GPX7: variants seen among roughly 807,000 people sequenced by gnomAD.
GPX7 encodes the protein protein peroxidase GPX7.
GPX7 carries 21 observed loss-of-function variants against 23.7 expected under a neutral mutation model. That is an observed-to-expected ratio of 0.89 (90% confidence interval 0.63 to 1.28). GPX7 has a LOEUF of 1.28. Ranked by LOEUF, GPX7 falls within the 50% of genes most tolerant of loss-of-function variation. The pLI is 0.00. For missense variants in GPX7, 238 were observed against 237.3 expected, an observed-to-expected ratio of 1.00 and a Z score of -0.02; for synonymous variants, 112 against 101.8, an observed-to-expected ratio of 1.10 and a Z score of -0.61.
chr1:52,607,245 G>A (rs1253039672), intron 2 of GPX7: 1 of 449,422 alleles, frequency 2.2e-6, no homozygotes, highest in Non-Finnish European at 4.0e-6. Flanking sequence ...GCTCCTAGAA[G>A]GAGACATTTA....
At position 52,602,620 on chromosome 1, in the gene GPX7, A is replaced by G. The variant is rs1690812122; in HGVS notation, c.138+73A>G. Reference sequence around the variant, plus strand: ...GCGGGGCCTGCTGGGGACGCCCCGCAGCCCGGTCCCCCGCGCGGTGTGGCT... The same window carrying G: ...GCGGGGCCTGCTGGGGACGCCCCGCGGCCCGGTCCCCCGCGCGGTGTGGCT... On this transcript the variant is annotated intron_variant, in intron 1 of 2. Transcript: ENST00000361314. 3.3e-5 allele frequency: 31 copies of G among 944,556 alleles called. No individual in the cohort carries two copies. In the South Asian group the frequency reaches 5.9e-4, roughly 18 times the overall value. The allele number at this position is 944,556 out of a possible 1,614,324, so 58.5% of individuals were successfully genotyped here. A position where few individuals can be genotyped will look rare whatever the true frequency, so the allele number is the denominator to read the frequency against.
rs35236738 is a variant in GPX7 at position 52,608,457 on chromosome 1, C to T, written c.*32C>T. On this transcript the variant is annotated 3_prime_UTR_variant, in exon 3 of 3. Coordinates refer to ENST00000361314, the MANE Select transcript of GPX7 (RefSeq NM_015696.5). ...CGTCTCCTCCTCCACCACCTCATCC[C>T]GCCCACCTGTGTGGGGCTGACCAAT... 3.0e-3 allele frequency: 4,697 copies of T among 1,570,892 alleles called. 15 individuals carry two copies. Among genetic ancestry groups the T allele is most frequent in the Non-Finnish European group, 3.5e-3 (4,022 of 1,158,966 alleles).
At chr1:52,603,445 G>A (rs1247059570) in intron 1 of GPX7, among the ~76,000 whole-genome samples, 1 of 152,128 alleles carries the variant, frequency 6.6e-6, no homozygotes, top group Non-Finnish European at 1.5e-5. Flanking sequence ...AGGCTGAAAC[G>A]ACTGGCAAGG....
rs1307747424 is a variant in GPX7 at position 52,608,934 on chromosome 1, G to A, written c.*509G>A. The A allele has an allele frequency of 6.6e-6, 1 of 152,668 alleles. No individual in the cohort carries two copies. The highest frequency in any genetic ancestry group is 1.5e-5 in the Non-Finnish European group (1 of 68,088). The allele number at this position is 152,668 out of a possible 1,614,324, so 9.5% of individuals were successfully genotyped here. ...CAGCCGATGATAATCCAGGCCAAAG[G>A]TTTAGTTGTTGTTATTTCCTCTGTA... On this transcript the variant is annotated 3_prime_UTR_variant, in exon 3 of 3. Coordinates refer to ENST00000361314, the MANE Select transcript of GPX7 (RefSeq NM_015696.5).
chr1:52,608,543 G>A lies in GPX7; in HGVS notation c.*118G>A, dbSNP rs1418269708. 1.3e-6 allele frequency: 1 copy of A among 796,656 alleles called. No homozygotes were observed. The highest frequency in any genetic ancestry group is 1.8e-5 in the African/African-American group (1 of 56,690). 49.3% of individuals were successfully genotyped at this position (796,656 alleles called of 1,614,324 possible). On this transcript the variant is annotated 3_prime_UTR_variant, in exon 3 of 3. Coordinates refer to ENST00000361314, the MANE Select transcript of GPX7 (RefSeq NM_015696.5). ...CTGACTCTCCTTCCTTTACTCTTATGCCATTGGTCCCATCATTCTTGTGGG... is the reference window on the plus strand; with the variant it reads ...CTGACTCTCCTTCCTTTACTCTTATACCATTGGTCCCATCATTCTTGTGGG...
Position 52,608,406 on chromosome 1 carries a change from T to C in GPX7, c.545T>C (p.Leu182Pro). 6.2e-7 allele frequency: 1 copy of C among 1,612,576 alleles called. No individual in the cohort carries two copies. ...ITALVRKLILLKREDL is the reference protein window; with the variant it reads ...ITALVRKLILPKREDL ...GCGCTCGTGAGGAAGCTCATCCTAC[T>C]GAAGCGAGAAGACTTATAACCACCG... is the stretch of plus-strand genomic sequence containing the variant. Residue 182 changes from leucine to proline, a missense_variant, in exon 3 of 3, where the codon CTG becomes CCG. Physicochemically the swap from Leu to Pro is moderately conservative, Grantham distance 98 (BLOSUM62 -3). Transcript: ENST00000361314.
At chr1:52,603,052 C>T (rs1412440438) in intron 1 of GPX7, among the ~76,000 whole-genome samples, 1 of 152,158 alleles carries the variant, frequency 6.6e-6, no homozygotes, top group Non-Finnish European at 1.5e-5. Flanking sequence ...GGAGACCTCA[C>T]ACGGATCATC....
At position 52,608,655 on chromosome 1, in the gene GPX7, C is replaced by T. The variant is rs930852261; in HGVS notation, c.*230C>T. Reference sequence around the variant, plus strand: ...ATGAGAGCTCTTGACCAGTGAATCACCAGCCGATACGAACGTCTTGCCAAC... The same window carrying T: ...ATGAGAGCTCTTGACCAGTGAATCATCAGCCGATACGAACGTCTTGCCAAC... On this transcript the variant is annotated 3_prime_UTR_variant, in exon 3 of 3. Coordinates refer to ENST00000361314, the MANE Select transcript of GPX7 (RefSeq NM_015696.5). 1 of 316,038 alleles carries T rather than the reference C, an allele frequency of 3.2e-6. No homozygotes were observed. The highest frequency in any genetic ancestry group is 2.1e-5 in the African/African-American group (1 of 46,898). 19.6% of individuals were successfully genotyped at this position (316,038 alleles called of 1,614,324 possible).
rs377150381 is a variant in GPX7, at chr1:52,608,283, C to T, written c.422C>T (p.Thr141Ile). ...YLAQTSGKEP[T>I]WNFWKYLVAP... ...CTAGAGACTTCTGGGAAGGAGCCCA[C>T]CTGGAACTTCTGGAAGTACCTAGTA... The change falls in exon 3 of 3, where the codon ACC becomes ATC. Residue 141 changes from threonine to isoleucine, a missense_variant. Physicochemically the swap from Thr to Ile is moderately conservative, Grantham distance 89. Transcript: ENST00000361314. 1.2e-6 allele frequency: 2 copies of T among 1,612,846 alleles called. No homozygotes were observed. The highest frequency in any genetic ancestry group is 1.7e-6 in the Non-Finnish European group (2 of 1,179,506).
chr1:52,606,688 C>G lies in GPX7; in HGVS notation c.143C>G (p.Ser48Cys), dbSNP rs1487078471. Residue 48 changes from serine to cysteine, a missense_variant, in exon 2 of 3, where the codon TCC (serine) becomes TGC (cysteine). Physicochemically the swap from Ser to Cys is moderately radical, Grantham distance 112 (BLOSUM62 -1). Transcript: ENST00000361314. ...VSLEKYRGSV[S>C]LVVNVASECG... is the part of the protein sequence containing the mutation. Reference sequence around the variant, plus strand: ...TGTTTTGTTTCTGTCATACAGGTGTCCCTGGTGGTGAATGTGGCCAGCGAG... The same window carrying G: ...TGTTTTGTTTCTGTCATACAGGTGTGCCTGGTGGTGAATGTGGCCAGCGAG... 6.2e-7 allele frequency: 1 copy of G among 1,613,206 alleles called. No individual in the cohort carries two copies. Among genetic ancestry groups the G allele is most frequent in the South Asian group, 1.1e-5 (1 of 91,062 alleles).
chr1:52,607,568 C>G (rs1690867952), intron 2 of GPX7, among the ~76,000 whole-genome samples: 1 of 152,180 alleles, frequency 6.6e-6, no homozygotes. Context: ...TTTGCCTTTT[C>G]TGATTCCGTG....
chr1:52,603,945 A>G (rs145238484), intron 1 of GPX7, among the ~76,000 whole-genome samples: 1 of 152,280 alleles, frequency 6.6e-6, no homozygotes, highest in East Asian at 1.9e-4. Context: ...AGAGAGCCCC[A>G]GGTTTAGCGT....
Position 52,605,081 on chromosome 1 carries a change from C to G in GPX7, c.139-1603C>G, listed in dbSNP as rs576116630. ...AAAAAAAAAAAAAAGCTTTAATGTTCTCATTGCCCAGGGATCCAGCAGGGG... is the reference window on the plus strand; with the variant it reads ...AAAAAAAAAAAAAAGCTTTAATGTTGTCATTGCCCAGGGATCCAGCAGGGG... On this transcript the variant is annotated intron_variant, in intron 1 of 2. Transcript: ENST00000361314. 1.3e-3 allele frequency among the ~76,000 whole-genome samples: 187 copies of G among 140,834 alleles called. 1 individual carries two copies. The highest frequency in any genetic ancestry group is 4.7e-3 in the African/African-American group (182 of 38,596). 92.4% of individuals were successfully genotyped at this position (140,834 alleles called of 152,430 possible).
intron 1 of GPX7, among the ~76,000 whole-genome samples, chr1:52,604,771 G>A (rs1690837103): frequency 1.3e-5 from 2 of 152,158 alleles, no homozygotes; most frequent in Admixed American, 6.5e-5. Flanking sequence ...TTGGCCGGAC[G>A]CAGTGGCTCA....
intron 2 of GPX7, 96 bp from the exon 3 acceptor site, chr1:52,608,166 G>T (rs11590859): frequency 0.092 from 106,414 of 1,161,480 alleles, 5,386 homozygotes; most frequent in Non-Finnish European, 0.1. Context: ...TGGGCATCAG[G>T]ATTAGCTGCC....
intron 1 of GPX7, among the ~76,000 whole-genome samples, chr1:52,603,164 G>A (rs1163481798): frequency 6.6e-6 from 1 of 152,132 alleles, no homozygotes; most frequent in Non-Finnish European, 1.5e-5. Flanking sequence ...GCCACATCCG[G>A]GGTCCTCTCT....
intron 1 of GPX7, among the ~76,000 whole-genome samples, chr1:52,603,825 A>T (rs767278278): frequency 3.3e-5 from 5 of 152,102 alleles, no homozygotes; most frequent in Non-Finnish European, 7.4e-5. Flanking sequence ...AGTGCTTTGC[A>T]CCTGTGTTTG....
chr1:52,605,634 C>T (rs985385162), intron 1 of GPX7, among the ~76,000 whole-genome samples: 3 of 151,984 alleles, frequency 2.0e-5, no homozygotes, highest in Admixed American at 6.6e-5. Context: ...GTATTTATTG[C>T]CTAAAGGCTT....
chr1:52,608,306 G>C lies in GPX7; in HGVS notation c.445G>C (p.Val149Leu). 6.2e-7 allele frequency: 1 copy of C among 1,613,914 alleles called. No homozygotes were observed. Among genetic ancestry groups the C allele is most frequent in the Non-Finnish European group, 8.5e-7 (1 of 1,179,942 alleles). The change falls in exon 3 of 3, where the codon GTA becomes CTA. Residue 149 changes from valine (V) to leucine (L), a missense_variant. Transcript: ENST00000361314. ...EPTWNFWKYL[V>L]APDGKVVGAW... ...CACCTGGAACTTCTGGAAGTACCTA[G>C]TAGCCCCAGATGGAAAGGTGGTAGG...
Sources: gnomAD v4.1 joint callset for allele counts (sites outside exome capture counted in the v4.1 genomes callset) on GRCh38, gnomAD v4.1.1 for gene constraint, MANE v1.5 for transcripts, NCBI Gene and HGNC (gene_info 2026-07-23, HGNC 2026-07-21) for gene names.